Variants in RTN1 observed in about 807,000 individuals in gnomAD.
The protein encoded by RTN1 is reticulon-1.
In RTN1, 25 loss-of-function variants were observed where a neutral mutation model predicts 65.5. That is an observed-to-expected ratio of 0.38 (90% CI 0.28 to 0.53). The LOEUF (loss-of-function observed/expected upper bound fraction) is 0.53, where lower values mean the gene tolerates loss of function less well. Ranked by LOEUF, RTN1 falls within the 20% of genes least tolerant of loss-of-function variation. The pLI is 0.79. For missense variants in RTN1, 983 were observed against 1,025.4 expected, an observed-to-expected ratio of 0.96 and a Z score of 0.57; for synonymous variants, 471 against 447.6, an observed-to-expected ratio of 1.05 and a Z score of -0.66.
chr14:59,820,001 C>T (rs1380133572), intron 1 of RTN1, among the ~76,000 whole-genome samples: 1 of 152,212 alleles, frequency 6.6e-6, no homozygotes, highest in Admixed American at 6.5e-5. Context: ...CACAGTGCAG[C>T]GGTGGGCTGA....
At chr14:59,624,897 GAAA>G (rs1156582948) in intron 3 of RTN1, among the ~76,000 whole-genome samples, 3 of 152,210 alleles carry the variant, frequency 2.0e-5, no homozygotes, top group Admixed American at 6.5e-5. Flanking sequence ...GTGTTATTCT[GAAA>G]GCTAACCACT....
intron 3 of RTN1, among the ~76,000 whole-genome samples, chr14:59,617,330 C>T (rs1209948479): frequency 2.0e-5 from 3 of 152,170 alleles, no homozygotes; most frequent in African/African-American, 7.2e-5. Flanking sequence ...AATTTTCCCA[C>T]CTCATAGGTA....
chr14:59,731,907 C>T lies in RTN1; in HGVS notation c.1016-4239G>A, dbSNP rs79733525. The stretch of plus-strand genomic sequence containing the variant: ...TCAAGGTGATTTTACCCATTTCCAC[C>T]ATCACTAGGTCCCAATTACCATTAC... On this transcript the variant is annotated intron_variant, in intron 2 of 8. Coordinates refer to ENST00000267484, the MANE Select transcript of RTN1 (RefSeq NM_021136.3). 8.0e-3 allele frequency among the ~76,000 whole-genome samples: 1,220 copies of T among 152,300 alleles called. 13 individuals carry two copies. The highest frequency in any genetic ancestry group is 0.014 in the Non-Finnish European group (964 of 68,030).
chr14:59,820,922 A>C (rs1423514692), intron 1 of RTN1, among the ~76,000 whole-genome samples: 1 of 152,170 alleles, frequency 6.6e-6, no homozygotes, highest in East Asian at 1.9e-4. Flanking sequence ...GTCTTGTAGT[A>C]GAGATTGAAG....
At chr14:59,793,666 A>G (rs1017632367) in intron 1 of RTN1, among the ~76,000 whole-genome samples, 4 of 151,994 alleles carry the variant, frequency 2.6e-5, no homozygotes, top group African/African-American at 9.7e-5. Flanking sequence ...ACACACACAC[A>G]CACACAGAGT....
intron 1 of RTN1, among the ~76,000 whole-genome samples, chr14:59,823,371 CT>C (rs1435254537): frequency 1.2e-4 from 18 of 151,886 alleles, no homozygotes; most frequent in Non-Finnish European, 5.9e-5. Flanking sequence ...CTTGACAGAT[CT>C]TTCTCCATCC....
chr14:59,720,321 C>G (rs1181162514), intron 3 of RTN1, among the ~76,000 whole-genome samples: 1 of 152,100 alleles, frequency 6.6e-6, no homozygotes, highest in Non-Finnish European at 1.5e-5. Context: ...GAAAGAAAAG[C>G]CATGAATTCA....
intron 3 of RTN1, among the ~76,000 whole-genome samples, chr14:59,614,507 C>T (rs543002878): frequency 3.3e-5 from 5 of 152,174 alleles, no homozygotes; most frequent in East Asian, 3.9e-4. Flanking sequence ...ACTTTAATGC[C>T]GTTTTGTTCA....
chr14:59,686,032 C>A (rs191981038), intron 3 of RTN1, among the ~76,000 whole-genome samples: 1 of 152,156 alleles, frequency 6.6e-6, no homozygotes, highest in Non-Finnish European at 1.5e-5. Flanking sequence ...TTATGGCCAA[C>A]CAATTTTTGA....
chr14:59,630,652 G>T, intron 3 of RTN1: 1 of 1,259,396 alleles, frequency 7.9e-7, no homozygotes, highest in Non-Finnish European at 1.0e-6. Context: ...GCGCGGTGAG[G>T]GGCGGGAGCG....
intron 3 of RTN1, among the ~76,000 whole-genome samples, chr14:59,608,915 TAA>T (rs138360256): frequency 6.6e-6 from 1 of 150,712 alleles, no homozygotes; most frequent in Admixed American, 6.6e-5. Context: ...AAATAAAAAA[TAA>T]AAAAAAAGTA....
intron 3 of RTN1, among the ~76,000 whole-genome samples, chr14:59,688,752 G>C (rs531768277): frequency 6.6e-6 from 1 of 152,156 alleles, no homozygotes; most frequent in Non-Finnish European, 1.5e-5. Flanking sequence ...TCCAGGGAGG[G>C]GGTGAAAGGG....
At chr14:59,753,124 G>T (rs1885566100) in intron 1 of RTN1, among the ~76,000 whole-genome samples, 1 of 152,090 alleles carries the variant, frequency 6.6e-6, no homozygotes, top group Non-Finnish European at 1.5e-5. Context: ...TTTCCCCCAA[G>T]GTGATGCCTC....
intron 1 of RTN1, among the ~76,000 whole-genome samples, chr14:59,844,032 G>A (rs1187179942): frequency 6.6e-6 from 1 of 152,124 alleles, no homozygotes; most frequent in African/African-American, 2.4e-5. Context: ...ATTCTCTTAG[G>A]ATTCCCTTGC....
intron 3 of RTN1, among the ~76,000 whole-genome samples, chr14:59,623,151 G>A (rs976114807): frequency 5.3e-5 from 8 of 152,208 alleles, no homozygotes; most frequent in Admixed American, 1.3e-4. Context: ...AGAGACAAAA[G>A]GAATTATACT....
At chr14:59,750,055 T>G (rs1197200913) in intron 1 of RTN1, among the ~76,000 whole-genome samples, 2 of 54,620 alleles carry the variant, frequency 3.7e-5, no homozygotes, top group African/African-American at 1.6e-4. Flanking sequence ...TATTATATTA[T>G]ATACATATAT....
At position 59,641,114 on chromosome 14, in the gene RTN1, G is replaced by A. The variant is rs930517005; in HGVS notation, c.1766-33622C>T. On this transcript the variant is annotated intron_variant, in intron 3 of 8. Coordinates refer to ENST00000267484, the MANE Select transcript of RTN1 (RefSeq NM_021136.3). ...CTAGGGACTACAGGCATGTGCCACC[G>A]CACGTGGCTAATTTTTTTGGGGGGG... Among the ~76,000 whole-genome samples, 5 of 151,800 alleles carry A rather than the reference G, an allele frequency of 3.3e-5. No homozygotes were observed. The South Asian group carries it at 6.2e-4, about 19-fold the overall frequency.
intron 2 of RTN1, among the ~76,000 whole-genome samples, chr14:59,744,468 T>C (rs1885175873): frequency 6.6e-6 from 1 of 152,214 alleles, no homozygotes; most frequent in African/African-American, 2.4e-5. Context: ...AGGCTCCCTT[T>C]GTGTTTGACA....
intron 1 of RTN1, among the ~76,000 whole-genome samples, chr14:59,752,644 CCTT>C (rs1322770653): frequency 1.3e-5 from 2 of 152,088 alleles, no homozygotes; most frequent in Non-Finnish European, 1.5e-5. Flanking sequence ...GTACATGTTA[CCTT>C]CTTCTAACCT....
Sources: gnomAD v4.1 joint callset for allele counts (sites outside exome capture counted in the v4.1 genomes callset) on GRCh38, gnomAD v4.1.1 for gene constraint, MANE v1.5 for transcripts, NCBI Gene and HGNC (gene_info 2026-07-23, HGNC 2026-07-21) for gene names.